The following DOCK2 variants were observed in gnomAD, a reference collection of about 807,000 sequenced individuals.
DOCK2 encodes the protein dedicator of cytokinesis 2, also known as dedicator of cytokinesis protein 2.
DOCK2 carries 87 observed loss-of-function variants against 248.9 expected under a neutral mutation model. The observed-to-expected ratio is 0.35, with a 90% confidence interval of 0.29 to 0.42. DOCK2 has a LOEUF of 0.42. DOCK2 is among the 10% of genes least tolerant of loss of function. The probability of loss-of-function intolerance (pLI) is 1.00; values close to 1 mark genes in which losing one functional copy is unlikely to be tolerated. For synonymous variants in DOCK2, 805 were observed against 821.6 expected (o/e 0.98, Z 0.35); for missense variants, 1,747 against 2,300.2 (o/e 0.76, Z 4.92).
intron 5 of DOCK2, 62 bp from the exon 6 acceptor site, chr5:169,674,235 T>A: frequency 6.3e-7 from 1 of 1,586,002 alleles, no homozygotes; most frequent in Non-Finnish European, 8.6e-7. Flanking sequence ...TGGCACAGCC[T>A]GCCAAATAGA....
chr5:169,986,083 C>T (rs181826539), intron 29 of DOCK2, among the ~76,000 whole-genome samples, 161 bp downstream of exon 29: 3 of 152,124 alleles, frequency 2.0e-5, no homozygotes, highest in Admixed American at 2.0e-4. Context: ...GGACTCCTCA[C>T]CAATCGAAGC....
chr5:169,882,674 G>T (rs1772723639), intron 27 of DOCK2: 2 of 1,551,952 alleles, frequency 1.3e-6, no homozygotes, highest in Non-Finnish European at 1.7e-6. Context: ...AGGTCGCAGA[G>T]TTCACCCCGT....
At chr5:169,676,960 A>G (rs1450291492) in intron 6 of DOCK2, among the ~76,000 whole-genome samples, 3 of 152,176 alleles carry the variant, frequency 2.0e-5, no homozygotes, top group Non-Finnish European at 2.9e-5. Context: ...GCACCATTTA[A>G]AGCACTTTCC....
intron 27 of DOCK2, among the ~76,000 whole-genome samples, chr5:169,940,035 G>C (rs535917582): frequency 6.6e-6 from 1 of 152,314 alleles, no homozygotes; most frequent in East Asian, 1.9e-4. Context: ...CCATTCCCCA[G>C]GGAGTTTTCT....
intron 33 of DOCK2, among the ~76,000 whole-genome samples, chr5:170,026,983 G>C (rs1755939495): frequency 6.6e-6 from 1 of 152,106 alleles, no homozygotes; most frequent in African/African-American, 2.4e-5. Flanking sequence ...CATATGAATG[G>C]GAAAGTGTCA....
intron 38 of DOCK2, among the ~76,000 whole-genome samples, chr5:170,042,971 C>T (rs1756571862): frequency 6.6e-6 from 1 of 152,222 alleles, no homozygotes; most frequent in Non-Finnish European, 1.5e-5. Context: ...ACTGGGCATT[C>T]ATAAATGAAT....
intron 27 of DOCK2, among the ~76,000 whole-genome samples, chr5:169,951,901 C>T (rs192618866): frequency 2.2e-4 from 33 of 152,290 alleles, no homozygotes; most frequent in Admixed American, 9.1e-4. Context: ...GAACCAGAGC[C>T]CCAGGCTCAC....
rs768746199 is a variant in DOCK2 at position 169,996,077 on chromosome 5, C to T, written c.2994-9C>T. 2.5e-6 allele frequency: 4 copies of T among 1,613,312 alleles called. No homozygotes were observed. In the African/African-American group the frequency reaches 4.0e-5, roughly 16 times the overall value. ...TCAGACAGTCTGGTAATTTTCTGCC[C>T]TCTTCCAGGGTCTTCCTGAGAGCTA... On this transcript the variant is annotated splice_polypyrimidine_tract_variant and intron_variant, in intron 29 of 51. Coordinates refer to ENST00000520908, the MANE Select transcript of DOCK2 (RefSeq NM_004946.3).
intron 27 of DOCK2, chr5:169,883,380 C>A: frequency 1.3e-6 from 2 of 1,551,580 alleles, no homozygotes; most frequent in Non-Finnish European, 1.7e-6. Flanking sequence ...CCTTGGGGAC[C>A]CTTGGGAGGA....
intron 27 of DOCK2, chr5:169,875,199 T>C (rs1169294349): frequency 2.6e-5 from 12 of 456,442 alleles, no homozygotes; most frequent in Non-Finnish European, 4.0e-5. Context: ...AAAATCCTTC[T>C]GCTTTATTTG....
intron 26 of DOCK2, among the ~76,000 whole-genome samples, chr5:169,824,902 A>G (rs1768740379): frequency 1.3e-5 from 2 of 152,236 alleles, no homozygotes; most frequent in Non-Finnish European, 2.9e-5. Context: ...TCTAGAATCT[A>G]CAAAGAACTC....
At chr5:169,837,694 A>G (rs1769677024) in intron 26 of DOCK2, among the ~76,000 whole-genome samples, 1 of 152,148 alleles carries the variant, frequency 6.6e-6, no homozygotes, top group Non-Finnish European at 1.5e-5. Context: ...AGAAACAGAA[A>G]CTCAGAGAGG....
At chr5:169,853,428 T>A (rs1329005253) in intron 27 of DOCK2, among the ~76,000 whole-genome samples, 1 of 152,198 alleles carries the variant, frequency 6.6e-6, no homozygotes, top group Non-Finnish European at 1.5e-5. Context: ...AAATGATCCT[T>A]CAAAATCAAA....
At chr5:169,921,618 A>G (rs569195653) in intron 27 of DOCK2, among the ~76,000 whole-genome samples, 2 of 152,284 alleles carry the variant, frequency 1.3e-5, no homozygotes, top group Non-Finnish European at 2.9e-5. Flanking sequence ...ACTTTGTTTA[A>G]CCCAGTGTTT....
At chr5:170,007,007 GATGT>G (rs1190409477) in intron 30 of DOCK2, among the ~76,000 whole-genome samples, 1 of 152,212 alleles carries the variant, frequency 6.6e-6, no homozygotes, top group African/African-American at 2.4e-5. Context: ...ATGAAAGGAA[GATGT>G]ATGAGAAAGT....
chr5:169,732,785 C>A (rs1237109637), intron 22 of DOCK2, among the ~76,000 whole-genome samples: 1 of 152,148 alleles, frequency 6.6e-6, no homozygotes, highest in Non-Finnish European at 1.5e-5. Flanking sequence ...AGTGGTCTTG[C>A]TATATCCATT....
intron 27 of DOCK2, among the ~76,000 whole-genome samples, chr5:169,952,760 G>A (rs1442244846): frequency 3.3e-5 from 5 of 152,248 alleles, no homozygotes; most frequent in South Asian, 2.1e-4. Context: ...TCCAAGCTTC[G>A]TTTGATGCCG....
chr5:170,050,296 G>A lies in DOCK2; in HGVS notation c.4112G>A (p.Arg1371Lys). The stretch of plus-strand genomic sequence containing the variant: ...TACCGCGGGAAGGAATATGAGCGAA[G>A]AGAAGATTTCCAGATGCAGCTGATG... ...FIYRGKEYER[R>K]EDFQMQLMTQ... The change falls in exon 41 of 52, where the codon AGA (arginine) becomes AAA (lysine). Residue 1371 changes from arginine to lysine, a missense_variant. Physicochemically the swap from Arg to Lys is conservative, Grantham distance 26 (BLOSUM62 2). This residue lies in a region of DOCK2 where 858 missense variants were observed against 1,183.5 expected (regional missense o/e 0.72). Transcript: ENST00000520908. The A allele has an allele frequency of 6.2e-7, 1 of 1,614,182 alleles. No homozygotes were observed.
chr5:169,690,870 G>A (rs1042184687), intron 9 of DOCK2, among the ~76,000 whole-genome samples: 3 of 152,194 alleles, frequency 2.0e-5, no homozygotes, highest in Non-Finnish European at 4.4e-5. Flanking sequence ...AGAACAAGTG[G>A]AGTTGAGAGC....
Sources: allele counts gnomAD v4.1 joint callset (sites outside exome capture counted in the v4.1 genomes callset), GRCh38; gene constraint gnomAD v4.1.1; regional missense constraint gnomAD v4.1.1; transcripts MANE v1.5; gene names NCBI Gene and HGNC (gene_info 2026-07-23, HGNC 2026-07-21).